The following YY1 variants were observed in gnomAD, a reference collection of about 807,000 sequenced individuals.
YY1 encodes transcriptional repressor protein YY1.
Under a neutral mutation model 35.6 loss-of-function variants are expected in YY1, and 2 were observed. That is an observed-to-expected ratio of 0.06 (90% confidence interval 0.02 to 0.18). The LOEUF (loss-of-function observed/expected upper bound fraction) is 0.18. Ranked by LOEUF, YY1 falls within the 10% of genes least tolerant of loss-of-function variation. The pLI, the probability that YY1 is intolerant of heterozygous loss-of-function variation, is 1.00. For missense variants in YY1, 322 were observed against 573.4 expected, an observed-to-expected ratio of 0.56 and a Z score of 4.48; for synonymous variants, 268 against 238.9, an observed-to-expected ratio of 1.12 and a Z score of -1.12.
rs1566782250 is a variant in YY1, at chr14:100,276,167, G to A, written c.904-323G>A. On this transcript the variant is annotated intron_variant, in intron 3 of 4. Transcript: ENST00000262238. This position sits in a 1 kb window ranked among gnomAD's most constrained non-coding sequence, Gnocchi z 4.1. ...GACATAGTCGGGTGAGGTGGCTGTG[G>A]TAGAGCTGGAAGCCAGGGTGTTGGG... The A allele has an allele frequency of 2.7e-6, 1 of 369,172 alleles. No individual in the cohort carries two copies. The highest frequency in any genetic ancestry group is 2.3e-5 in the South Asian group (1 of 43,002). 22.9% of individuals were successfully genotyped at this position (369,172 alleles called of 1,614,324 possible).
At position 100,279,331 on chromosome 14, in the gene YY1, A is replaced by G. The variant is rs1260571841; in HGVS notation, c.*1731A>G. On this transcript the variant is annotated 3_prime_UTR_variant, in exon 5 of 5. Coordinates refer to ENST00000262238, the MANE Select transcript of YY1 (RefSeq NM_003403.5). Reference sequence around the variant, plus strand: ...GGCCAGGGACCCCATCAGGTGAAACACATAGCCCATTGTCTTAGAGCTTCT... The same window carrying G: ...GGCCAGGGACCCCATCAGGTGAAACGCATAGCCCATTGTCTTAGAGCTTCT... 6.6e-6 allele frequency: 1 copy of G among 152,234 alleles called. No individual in the cohort carries two copies. Among genetic ancestry groups the G allele is most frequent in the African/African-American group, 2.4e-5 (1 of 41,462 alleles). The allele number at this position is 152,234 out of a possible 1,614,324, so 9.4% of individuals were successfully genotyped here.
intron 1 of YY1, among the ~76,000 whole-genome samples, chr14:100,248,121 CTTTTT>C (rs10694000): frequency 8.5e-6 from 1 of 117,660 alleles, no homozygotes; most frequent in South Asian, 2.8e-4. Context: ...ATTTTTTTTT[CTTTTT>C]TTTTTTTTTG....
At chr14:100,245,555 AT>A (rs1230602975) in intron 1 of YY1, among the ~76,000 whole-genome samples, 4 of 151,880 alleles carry the variant, frequency 2.6e-5, no homozygotes, top group African/African-American at 9.7e-5. Flanking sequence ...AGTACTATAT[AT>A]TTTTTCCCTA....
chr14:100,258,820 A>G (rs1891040220), intron 1 of YY1, among the ~76,000 whole-genome samples: 1 of 152,378 alleles, frequency 6.6e-6, no homozygotes, highest in South Asian at 2.1e-4. Flanking sequence ...AGAGTCATGT[A>G]AAGTTTACAA....
chr14:100,241,799 C>T (rs1354595524), intron 1 of YY1, among the ~76,000 whole-genome samples: 1 of 152,098 alleles, frequency 6.6e-6, no homozygotes, highest in East Asian at 1.9e-4. Flanking sequence ...CATAGTGAAA[C>T]CCCATCTCTA....
intron 1 of YY1, among the ~76,000 whole-genome samples, chr14:100,255,697 T>C (rs1470982567): frequency 1.3e-5 from 2 of 152,198 alleles, no homozygotes; most frequent in East Asian, 1.9e-4. Context: ...AGTTTTATTA[T>C]GGTTTTAAAA....
At chr14:100,244,686 G>T (rs969665163) in intron 1 of YY1, among the ~76,000 whole-genome samples, 1 of 148,576 alleles carries the variant, frequency 6.7e-6, no homozygotes, top group Non-Finnish European at 1.5e-5. Flanking sequence ...GGGCTGAAGC[G>T]ATCCTCCCAC....
In YY1 at chr14:100,239,816, G is replaced by C. The variant is rs772586727; in HGVS notation, c.572G>C (p.Gly191Ala). The C allele has an allele frequency of 2.1e-3, 3,096 of 1,481,132 alleles. 7 individuals are homozygous for C. Among genetic ancestry groups the C allele is most frequent in the Non-Finnish European group, 2.6e-3 (2,888 of 1,123,518 alleles). 91.7% of individuals were successfully genotyped at this position (1,481,132 alleles called of 1,614,324 possible). A position where few individuals can be genotyped will look rare whatever the true frequency, so the allele number is the denominator to read the frequency against. The stretch of plus-strand genomic sequence containing the variant: ...AAGAGTTACCTCAGCGGCGGGGCCG[G>C]CGCGGCGGGCGGCGGCGGCGCCGAC... Reference protein sequence around the residue: ...GKKSYLSGGAGAAGGGGADPG... With the variant: ...GKKSYLSGGAAAAGGGGADPG... Residue 191 changes from glycine to alanine, a missense_variant, in exon 1 of 5, where the codon GGC (glycine) becomes GCC (alanine). Around this residue, in one of 4 missense-constraint regions of YY1, gnomAD observed 152 missense variants for 167.1 expected, o/e 0.91. Transcript: ENST00000262238.
At chr14:100,258,811 G>A (rs1446520949) in intron 1 of YY1, among the ~76,000 whole-genome samples, 2 of 152,234 alleles carry the variant, frequency 1.3e-5, no homozygotes, top group African/African-American at 2.4e-5. Flanking sequence ...GGTGGAATTA[G>A]AGTCATGTAA....
intron 1 of YY1, among the ~76,000 whole-genome samples, chr14:100,254,440 T>C (rs1300188992): frequency 1.3e-5 from 2 of 152,072 alleles, no homozygotes; most frequent in African/African-American, 4.8e-5. Context: ...TTTTGCAGCT[T>C]TTTCCTATAT....
At chr14:100,263,644 A>G (rs1039924818) in intron 2 of YY1, 5 of 152,224 alleles carry the variant, frequency 3.3e-5, no homozygotes, top group African/African-American at 1.2e-4. Context: ...GGAATAGCTC[A>G]GGAAATTTCG....
chr14:100,252,434 A>G (rs893432575), intron 1 of YY1, among the ~76,000 whole-genome samples: 2 of 152,186 alleles, frequency 1.3e-5, no homozygotes, highest in Non-Finnish European at 2.9e-5. Flanking sequence ...TTGTCCTTCC[A>G]CATATATGAC....
chr14:100,248,054 C>T (rs897075020), intron 1 of YY1, among the ~76,000 whole-genome samples: 2 of 151,848 alleles, frequency 1.3e-5, no homozygotes, highest in Non-Finnish European at 2.9e-5. Context: ...AAACAATTTT[C>T]CTGCCTCAGC....
At chr14:100,244,144 T>C (rs886096497) in intron 1 of YY1, among the ~76,000 whole-genome samples, 1 of 151,942 alleles carries the variant, frequency 6.6e-6, no homozygotes, top group Non-Finnish European at 1.5e-5. Flanking sequence ...GTCATCATAT[T>C]TCTGGAAACC....
intron 2 of YY1, among the ~76,000 whole-genome samples, chr14:100,269,103 G>T (rs1020353802): frequency 5.9e-5 from 9 of 152,164 alleles, no homozygotes; most frequent in African/African-American, 2.2e-4. Flanking sequence ...GTTGTTGGGT[G>T]TCTGACTCCT....
At chr14:100,247,915 A>G (rs577510962) in intron 1 of YY1, among the ~76,000 whole-genome samples, 35 of 152,228 alleles carry the variant, frequency 2.3e-4, no homozygotes, top group East Asian at 3.9e-4. Context: ...AGGAAATTCT[A>G]TTCCTTTACA....
intron 2 of YY1, among the ~76,000 whole-genome samples, chr14:100,266,924 G>A (rs1217090741): frequency 1.3e-5 from 2 of 152,062 alleles, no homozygotes; most frequent in Non-Finnish European, 2.9e-5. Flanking sequence ...ATAATACAGC[G>A]AAATGAGGAT....
chr14:100,243,202 G>A (rs1479733079), intron 1 of YY1, among the ~76,000 whole-genome samples: 1 of 152,238 alleles, frequency 6.6e-6, no homozygotes, highest in Non-Finnish European at 1.5e-5. Flanking sequence ...TCCATAACAA[G>A]TGGAGAAATG....
At chr14:100,258,325 G>C (rs1891032474) in intron 1 of YY1, among the ~76,000 whole-genome samples, 1 of 151,962 alleles carries the variant, frequency 6.6e-6, no homozygotes, top group African/African-American at 2.4e-5. Flanking sequence ...TTGAGTCCTG[G>C]GTTTGTGTCT....
Sources: gnomAD v4.1 joint callset for allele counts (sites outside exome capture counted in the v4.1 genomes callset) on GRCh38, gnomAD v4.1.1 for gene constraint, gnomAD v4.1.1 regional missense constraint, Gnocchi (gnomAD v3.1) non-coding constraint, MANE v1.5 for transcripts, NCBI Gene and HGNC (gene_info 2026-07-23, HGNC 2026-07-21) for gene names.